The following UGP2 variants were observed in gnomAD, a reference collection of about 807,000 sequenced individuals.
UGP2 encodes UTP--glucose-1-phosphate uridylyltransferase.
UGP2 carries 40 observed loss-of-function variants against 49.0 expected under a neutral mutation model. The observed-to-expected ratio is 0.82, with a 90% CI of 0.63 to 1.06. UGP2 has a LOEUF of 1.06. UGP2 is among the 50% of genes least tolerant of loss of function. UGP2 has a pLI of 0.00. For synonymous variants in UGP2, 225 were observed against 213.0 expected (o/e 1.06, Z -0.49); for missense variants, 460 against 603.5 (o/e 0.76, Z 2.49).
intron 1 of UGP2, among the ~76,000 whole-genome samples, chr2:63,844,951 GT>G (rs1403945143): frequency 1.3e-5 from 2 of 152,164 alleles, no homozygotes; most frequent in African/African-American, 2.4e-5. Flanking sequence ...GAAATGGCCT[GT>G]TTCTCCAGCT....
At chr2:63,847,856 G>A (rs943989515) in intron 1 of UGP2, among the ~76,000 whole-genome samples, 2 of 152,200 alleles carry the variant, frequency 1.3e-5, no homozygotes, top group East Asian at 1.9e-4. Flanking sequence ...CCATCTGGGC[G>A]TATACGTGCA....
chr2:63,856,562 A>G (rs991083357), intron 2 of UGP2, 129 bp downstream of exon 2: 2 of 1,068,398 alleles, frequency 1.9e-6, no homozygotes, highest in Non-Finnish European at 1.3e-6. Flanking sequence ...CATCAAAAAC[A>G]AAAAAATTAG....
intron 6 of UGP2, 63 bp downstream of exon 6, chr2:63,885,949 A>G (rs1671640780): frequency 6.8e-7 from 1 of 1,474,766 alleles, no homozygotes; most frequent in Non-Finnish European, 9.0e-7. Flanking sequence ...TTATGAAGTT[A>G]AAGACTTTTT....
intron 3 of UGP2, among the ~76,000 whole-genome samples, chr2:63,881,833 T>A (rs776724318): frequency 3.3e-5 from 5 of 152,228 alleles, no homozygotes; most frequent in Non-Finnish European, 5.9e-5. Flanking sequence ...CACTTAATTT[T>A]CCAGTATTGG....
chr2:63,846,705 TAC>T (rs1558931112), intron 1 of UGP2, among the ~76,000 whole-genome samples: 2 of 152,290 alleles, frequency 1.3e-5, no homozygotes, highest in Non-Finnish European at 2.9e-5. Context: ...CTCCGAGGAA[TAC>T]AGAGATGAGA....
chr2:63,842,467 T>C (rs946291389), intron 1 of UGP2: 2 of 1,540,136 alleles, frequency 1.3e-6, no homozygotes, highest in African/African-American at 2.7e-5. Flanking sequence ...TCCTGGATAG[T>C]GGCTGTAAGT....
chr2:63,842,090 G>T lies in UGP2; in HGVS notation c.-96G>T. The T allele has an allele frequency of 7.0e-7, 1 of 1,428,094 alleles. No homozygotes were observed. Among genetic ancestry groups the T allele is most frequent in the Non-Finnish European group, 9.4e-7 (1 of 1,062,586 alleles). 88.5% of individuals were successfully genotyped at this position (1,428,094 alleles called of 1,614,324 possible). On this transcript the variant is annotated 5_prime_UTR_variant, in exon 1 of 10. Coordinates refer to ENST00000337130, the MANE Select transcript of UGP2 (RefSeq NM_006759.4). ...AATATAGGAGGAGAAAGAATACATCGGTTGTTAAAGCAGGAGAGGAAGAGA... is the reference window on the plus strand; with the variant it reads ...AATATAGGAGGAGAAAGAATACATCTGTTGTTAAAGCAGGAGAGGAAGAGA...
chr2:63,860,618 G>A (rs1392396627), intron 3 of UGP2, among the ~76,000 whole-genome samples: 1 of 151,882 alleles, frequency 6.6e-6, no homozygotes, highest in Non-Finnish European at 1.5e-5. Flanking sequence ...TTTTAGAGAT[G>A]AGGTCTTGTT....
chr2:63,891,091 T>TA, intron 9 of UGP2, 29 bp from the exon 10 acceptor site: 1 of 1,585,868 alleles, frequency 6.3e-7, no homozygotes, highest in Non-Finnish European at 8.6e-7. Flanking sequence ...CAGTTGCAAG[T>TA]ACACTCTTTT....
At chr2:63,855,485 G>C (rs34900788) in intron 1 of UGP2, 88,166 of 418,178 alleles carry the variant, frequency 0.21, 11,322 homozygotes, top group Non-Finnish European at 0.26. Flanking sequence ...GTATTTTTCT[G>C]CCAAAGTGTT....
intron 1 of UGP2, among the ~76,000 whole-genome samples, chr2:63,848,007 A>G (rs950479902): frequency 6.6e-6 from 1 of 152,242 alleles, no homozygotes; most frequent in Non-Finnish European, 1.5e-5. Flanking sequence ...ATCTGTGAAA[A>G]TGAAGAAGAG....
chr2:63,878,040 T>G (rs1671042027), intron 3 of UGP2, among the ~76,000 whole-genome samples: 1 of 148,698 alleles, frequency 6.7e-6, no homozygotes, highest in African/African-American at 2.5e-5. Context: ...GAAGTCTGCA[T>G]GCTTAGGACA....
chr2:63,890,321 C>A (rs1476001305), intron 9 of UGP2, 136 bp downstream of exon 9: 6 of 619,726 alleles, frequency 9.7e-6, no homozygotes, highest in Non-Finnish European at 1.6e-5. Flanking sequence ...AATTATTTTA[C>A]TGAAATGAGA....
At chr2:63,862,503 C>T (rs897450415) in intron 3 of UGP2, among the ~76,000 whole-genome samples, 10 of 152,038 alleles carry the variant, frequency 6.6e-5, no homozygotes, top group African/African-American at 1.9e-4. Context: ...GACAACAAGC[C>T]CATGATTATT....
Position 63,856,425 on chromosome 2 carries a change from G to T in UGP2, c.139G>T (p.Glu47Ter). 6.8e-6 allele frequency: 11 copies of T among 1,611,624 alleles called. No individual in the cohort carries two copies. The highest frequency in any genetic ancestry group is 1.3e-5 in the African/African-American group (1 of 75,022). ...AATACTCACCACAGCATCATCACATGAATTTGAGGTAAGGAGGTTTCTACA... is the reference window on the plus strand; with the variant it reads ...AATACTCACCACAGCATCATCACATTAATTTGAGGTAAGGAGGTTTCTACA... ...EKILTTASSHEFEHTKKDLDG... is the reference protein window; with the variant it reads ...EKILTTASSH The change falls in exon 2 of 10, where the codon GAA (glutamate) becomes TAA (stop). Residue 47 changes from glutamate to a stop codon, truncating the protein, a stop_gained. Coordinates refer to ENST00000337130, the MANE Select transcript of UGP2 (RefSeq NM_006759.4). LOFTEE classifies it high-confidence loss of function.
At chr2:63,853,550 G>A (rs1332761873) in intron 1 of UGP2, among the ~76,000 whole-genome samples, 1 of 152,096 alleles carries the variant, frequency 6.6e-6, no homozygotes, top group Non-Finnish European at 1.5e-5. Flanking sequence ...AGACAGAGGT[G>A]GCCTAGGGAT....
At chr2:63,891,065 T>C (rs1672115059) in intron 9 of UGP2, 55 bp from the exon 10 acceptor site, 1 of 1,483,498 alleles carries the variant, frequency 6.7e-7, no homozygotes, top group East Asian at 2.3e-5. Context: ...CACTGTAAGA[T>C]AATCAAATTG....
Position 63,856,408 on chromosome 2 carries a change from C to T in UGP2, c.122C>T (p.Thr41Ile), listed in dbSNP as rs375235381. 1 of 1,613,052 alleles carries T rather than the reference C, an allele frequency of 6.2e-7. No individual in the cohort carries two copies. The highest frequency in any genetic ancestry group is 8.5e-7 in the Non-Finnish European group (1 of 1,180,014). ...SVKKELEKIL[T>I]TASSHEFEHT... Reference sequence around the variant, plus strand: ...AAGAAGGAACTAGAAAAAATACTCACCACAGCATCATCACATGAATTTGAG... The same window carrying T: ...AAGAAGGAACTAGAAAAAATACTCATCACAGCATCATCACATGAATTTGAG... The change falls in exon 2 of 10, where the codon ACC becomes ATC. Residue 41 changes from threonine (T) to isoleucine (I), a missense_variant. This residue lies in a region of UGP2 where 143 missense variants were observed against 130.4 expected (regional missense o/e 1.10). Coordinates refer to ENST00000337130, the MANE Select transcript of UGP2 (RefSeq NM_006759.4).
chr2:63,854,690 A>T (rs370328318), intron 1 of UGP2, among the ~76,000 whole-genome samples: 1 of 152,210 alleles, frequency 6.6e-6, no homozygotes, highest in Non-Finnish European at 1.5e-5. Context: ...ATCACTAAAA[A>T]CAGAGCTTTT....
Sources: allele counts gnomAD v4.1 joint callset (sites outside exome capture counted in the v4.1 genomes callset), GRCh38; gene constraint gnomAD v4.1.1; regional missense constraint gnomAD v4.1.1; transcripts MANE v1.5; gene names NCBI Gene and HGNC (gene_info 2026-07-23, HGNC 2026-07-21).